DSCAML1: variants seen among roughly 807,000 people sequenced by gnomAD.
The protein encoded by DSCAML1 is cell adhesion molecule DSCAML1.
DSCAML1 carries 38 observed loss-of-function variants against 200.5 expected under a neutral mutation model. The observed-to-expected ratio is 0.19, with a 90% CI of 0.15 to 0.25. The LOEUF is 0.25. Among genes scored for constraint, DSCAML1 ranks in the 10% least tolerant of loss-of-function variants. The probability of loss-of-function intolerance (pLI) is 1.00; values close to 1 mark genes in which losing one functional copy is unlikely to be tolerated. For synonymous variants in DSCAML1, 1,215 were observed against 1,165.0 expected, an observed-to-expected ratio of 1.04 and a Z score of -0.87; for missense variants, 2,223 against 2,858.8, an observed-to-expected ratio of 0.78 and a Z score of 5.07.
intron 3 of DSCAML1, among the ~76,000 whole-genome samples, chr11:117,714,826 G>GGAAAAAAAAAAA (rs10684152): frequency 8.7e-6 from 1 of 115,552 alleles, no homozygotes; most frequent in Non-Finnish European, 1.7e-5. Flanking sequence ...TCATCTTGAG[G>GGAAAAAAAAAAA]AAAAAAAAAA....
At chr11:117,740,642 C>T (rs2054404894) in intron 3 of DSCAML1, among the ~76,000 whole-genome samples, 1 of 152,200 alleles carries the variant, frequency 6.6e-6, no homozygotes, top group South Asian at 2.1e-4. Flanking sequence ...AGGTATCATG[C>T]AAAAGCTCAC....
chr11:117,458,054 T>C (rs1220706916), intron 19 of DSCAML1, among the ~76,000 whole-genome samples: 1 of 149,552 alleles, frequency 6.7e-6, no homozygotes. Flanking sequence ...AGCTGTGTGC[T>C]GTTCATGCAC....
intron 3 of DSCAML1, among the ~76,000 whole-genome samples, chr11:117,763,545 C>T (rs558731510): frequency 6.6e-6 from 1 of 152,158 alleles, no homozygotes; most frequent in South Asian, 2.1e-4. Context: ...CTCCCCATTG[C>T]CCTTCGATAC....
In DSCAML1 at chr11:117,779,507, A is replaced by G. The variant is rs148435108; in HGVS notation, c.364+986T>C. Reference sequence around the variant, plus strand: ...GAATTTTACCAAATTGCCTTTTCTCATGAGATATGTCATCCTCAGACATCC... The same window carrying G: ...GAATTTTACCAAATTGCCTTTTCTCGTGAGATATGTCATCCTCAGACATCC... On this transcript the variant is annotated intron_variant, in intron 2 of 32. Transcript: ENST00000651296. 2.0e-5 allele frequency among the ~76,000 whole-genome samples: 3 copies of G among 152,310 alleles called. No homozygotes were observed. The East Asian group carries it at 5.8e-4, about 29-fold the overall frequency.
intron 8 of DSCAML1, among the ~76,000 whole-genome samples, chr11:117,509,301 G>C (rs553017393): frequency 7.9e-5 from 12 of 152,282 alleles, no homozygotes; most frequent in African/African-American, 2.9e-4. Context: ...GCTGAGCCAA[G>C]GGGCTGTCAT....
At position 117,438,924 on chromosome 11, in the gene DSCAML1, T is replaced by C. The variant is rs766337031; in HGVS notation, c.4204A>G (p.Thr1402Ala). 6 of 1,608,688 alleles carry C rather than the reference T, an allele frequency of 3.7e-6. No individual in the cohort carries two copies. The highest frequency in any genetic ancestry group is 5.1e-6 in the Non-Finnish European group (6 of 1,177,960). Residue 1402 changes from threonine (T) to alanine (A), a missense_variant, in exon 24 of 33, where the codon ACC becomes GCC. By Grantham distance (58) the Thr-to-Ala change is moderately conservative (BLOSUM62 0). This residue lies in a region of DSCAML1 where 614 missense variants were observed against 739.1 expected (regional missense o/e 0.83). Transcript: ENST00000651296. ...SKTSASSITLTWIPGDNGGSS... is the reference protein window; with the variant it reads ...SKTSASSITLAWIPGDNGGSS... ...CCCCCATTGTCACCTGGAATCCAGGTCAGGGTGATGGACGAAGCTGAGGTT... is the reference window on the plus strand; with the variant it reads ...CCCCCATTGTCACCTGGAATCCAGGCCAGGGTGATGGACGAAGCTGAGGTT...
intron 3 of DSCAML1, among the ~76,000 whole-genome samples, chr11:117,682,042 C>T (rs1009385298): frequency 2.0e-5 from 3 of 152,184 alleles, no homozygotes; most frequent in African/African-American, 7.2e-5. Context: ...GAGTGGTTCT[C>T]GATGACAGTA....
intron 4 of DSCAML1, among the ~76,000 whole-genome samples, chr11:117,527,737 G>A (rs545776719): frequency 6.6e-6 from 1 of 152,328 alleles, no homozygotes; most frequent in African/African-American, 2.4e-5. Context: ...GTGGATAGTG[G>A]TCCCTTCACT....
intron 3 of DSCAML1, among the ~76,000 whole-genome samples, chr11:117,547,271 T>C (rs1353231429): frequency 2.0e-5 from 3 of 152,136 alleles, no homozygotes; most frequent in Non-Finnish European, 4.4e-5. Flanking sequence ...TCTCACTCCA[T>C]GTGTCAGATG....
intron 11 of DSCAML1, among the ~76,000 whole-genome samples, chr11:117,486,400 G>A (rs573187357): frequency 5.3e-5 from 8 of 149,916 alleles, no homozygotes; most frequent in East Asian, 1.9e-4. Flanking sequence ...TGAAAGTGGC[G>A]GATGGGAAAG....
chr11:117,814,406 A>C (rs1414050585), intron 1 of DSCAML1, among the ~76,000 whole-genome samples: 3 of 152,218 alleles, frequency 2.0e-5, no homozygotes, highest in Non-Finnish European at 4.4e-5. Context: ...CTTAGCTGTG[A>C]GGCCAAGGAA....
At chr11:117,569,689 T>G (rs4936388) in intron 3 of DSCAML1, among the ~76,000 whole-genome samples, 34,646 of 152,078 alleles carry the variant, frequency 0.23, 4,199 homozygotes, top group Non-Finnish European at 0.25. Context: ...GTAGGCTGAG[T>G]GACATTCCGT....
Position 117,771,912 on chromosome 11 carries a change from G to C in DSCAML1, c.511+4879C>G, listed in dbSNP as rs894532149. ...TTATTATTATTATTCCTCTGTGACA[G>C]TCCTATGCTGGTTCTGGGGATAAAA... On this transcript the variant is annotated intron_variant, in intron 3 of 32. Coordinates refer to ENST00000651296, the MANE Select transcript of DSCAML1 (RefSeq NM_020693.4). Among the ~76,000 whole-genome samples, 27 of 152,156 alleles carry C rather than the reference G, an allele frequency of 1.8e-4. No homozygotes were observed. In the East Asian group the frequency reaches 5.2e-3, roughly 29 times the overall value.
In DSCAML1 at chr11:117,603,949, AG is replaced by A. The variant is rs1284874674; in HGVS notation, c.512-71428del. On this transcript the variant is annotated intron_variant, in intron 3 of 32. Coordinates refer to ENST00000651296, the MANE Select transcript of DSCAML1 (RefSeq NM_020693.4). Reference sequence around the variant, plus strand: ...AATCGCTAAAATGACACCTCAAGGAAGGCATTATTGGTTCCATTTAATTGAT... The same window carrying A: ...AATCGCTAAAATGACACCTCAAGGAAGCATTATTGGTTCCATTTAATTGAT... Among the ~76,000 whole-genome samples the A allele has an allele frequency of 2.0e-5, 3 of 152,220 alleles. No individual in the cohort carries two copies. The East Asian group carries it at 5.8e-4, about 29-fold the overall frequency.
intron 8 of DSCAML1, among the ~76,000 whole-genome samples, chr11:117,508,202 C>A (rs1189241729): frequency 6.6e-6 from 1 of 152,170 alleles, no homozygotes. Flanking sequence ...CTGGGAAACT[C>A]CCCTATATCC....
chr11:117,625,417 T>C (rs10790195), intron 3 of DSCAML1, among the ~76,000 whole-genome samples: 30,656 of 152,124 alleles, frequency 0.2, 3,147 homozygotes, highest in South Asian at 0.22. Flanking sequence ...AAATGACTGA[T>C]GAGCAGGGGA....
chr11:117,650,706 T>C (rs1300790572), intron 3 of DSCAML1, among the ~76,000 whole-genome samples: 3 of 145,006 alleles, frequency 2.1e-5, no homozygotes, highest in East Asian at 2.0e-4. Context: ...TGTGTGCGTG[T>C]GTGTGTGTGG....
At position 117,642,278 on chromosome 11, in the gene DSCAML1, C is replaced by A. The variant is rs1426332100; in HGVS notation, c.512-109756G>T. Among the ~76,000 whole-genome samples the A allele has an allele frequency of 6.6e-6, 1 of 152,142 alleles. No homozygotes were observed. Among genetic ancestry groups the A allele is most frequent in the Non-Finnish European group, 1.5e-5 (1 of 68,032 alleles). The stretch of plus-strand genomic sequence containing the variant: ...AGGAGTGCTTTCATCCCCACAGTGC[C>A]CCTCTGAGGCTCTGAACCACTCTTC... On this transcript the variant is annotated intron_variant, in intron 3 of 32. Transcript: ENST00000651296. The surrounding 1 kb of genome is among the most constrained non-coding windows in gnomAD (Gnocchi z 4.1).
chr11:117,492,760 C>G (rs778716858), intron 11 of DSCAML1, among the ~76,000 whole-genome samples: 2 of 152,170 alleles, frequency 1.3e-5, no homozygotes, highest in African/African-American at 2.4e-5. Flanking sequence ...CAGCCTTCGA[C>G]GGCAGCGGCA....
Sources: gnomAD v4.1 joint callset for allele counts (sites outside exome capture counted in the v4.1 genomes callset) on GRCh38, gnomAD v4.1.1 for gene constraint, gnomAD v4.1.1 regional missense constraint, Gnocchi (gnomAD v3.1) non-coding constraint, MANE v1.5 for transcripts, NCBI Gene and HGNC (gene_info 2026-07-23, HGNC 2026-07-21) for gene names.